Variants in RAX observed in about 807,000 individuals in gnomAD.
RAX encodes retina and anterior neural fold homeobox.
RAX carries 11 observed loss-of-function variants against 17.4 expected under a neutral mutation model. The observed-to-expected ratio is 0.63, with a 90% CI of 0.40 to 1.05. The LOEUF (loss-of-function observed/expected upper bound fraction) is 1.05, where lower values mean the gene tolerates loss of function less well. Ranked by LOEUF, RAX falls within the 50% of genes least tolerant of loss-of-function variation. RAX has a pLI of 0.00. For synonymous variants in RAX, 276 were observed against 254.7 expected, an observed-to-expected ratio of 1.08 and a Z score of -0.80; for missense variants, 527 against 501.1, an observed-to-expected ratio of 1.05 and a Z score of -0.49.
rs104894663 is a variant in RAX, at chr18:59,272,465, G to A, written c.439C>T (p.Gln147Ter). Residue 147 changes from glutamine to a stop codon, truncating the protein, a stop_gained, in exon 2 of 3, where the codon CAG becomes TAG. Transcript: ENST00000334889. LOFTEE classifies it high-confidence loss of function. ...AACGCGCGCTCCAGCTCATGCAGCT[G>A]GTACGTGGTGAAAGTCGTGCGGTTC... ...RRNRTTFTTY[Q>*]LHELERAFEK... The A allele has an allele frequency of 1.3e-5, 21 of 1,614,106 alleles. No individual in the cohort carries two copies. The highest frequency in any genetic ancestry group is 1.8e-5 in the Non-Finnish European group (21 of 1,180,052).
chr18:59,272,868 C>G (rs1194534877), intron 1 of RAX, 50 bp downstream of exon 1: 3 of 1,492,040 alleles, frequency 2.0e-6, no homozygotes, highest in South Asian at 2.7e-5. Flanking sequence ...TGGCCAACTC[C>G]TAAGCTCGGG....
chr18:59,270,922 G>A (rs1023066887), intron 2 of RAX, among the ~76,000 whole-genome samples: 1 of 152,168 alleles, frequency 6.6e-6, no homozygotes, highest in African/African-American at 2.4e-5. Context: ...TTCCCTGTCT[G>A]TCCCACTCAA....
intron 2 of RAX, among the ~76,000 whole-genome samples, chr18:59,271,305 A>G (rs1486862984): frequency 6.6e-6 from 1 of 152,160 alleles, no homozygotes; most frequent in Admixed American, 6.5e-5. Context: ...TCTTGTATTC[A>G]TTCCCTCTCC....
Position 59,272,757 on chromosome 18 carries a change from C to G in RAX, c.290-143G>C, listed in dbSNP as rs920276635. On this transcript the variant is annotated intron_variant, in intron 1 of 2. Coordinates refer to ENST00000334889, the MANE Select transcript of RAX (RefSeq NM_013435.3). The stretch of plus-strand genomic sequence containing the variant: ...TCCGTGGTGAGGGCGGCGATGGGTC[C>G]TAAGCTTTCTCTGAATGCAAATTGG... The G allele has an allele frequency of 2.2e-6, 3 of 1,371,740 alleles. No individual in the cohort carries two copies. In the African/African-American group the frequency reaches 4.4e-5, roughly 20 times the overall value. The allele number at this position is 1,371,740 out of a possible 1,614,324, so 85.0% of individuals were successfully genotyped here. A position where few individuals can be genotyped will look rare whatever the true frequency, so the allele number is the denominator to read the frequency against.
intron 2 of RAX, among the ~76,000 whole-genome samples, chr18:59,271,155 G>T (rs2070335092): frequency 1.3e-5 from 2 of 152,224 alleles, no homozygotes; most frequent in Non-Finnish European, 1.5e-5. Context: ...CTGTTCTCAA[G>T]AATCTCACAA....
intron 1 of RAX, 21 bp from the exon 2 acceptor site, chr18:59,272,635 A>T: frequency 6.2e-7 from 1 of 1,601,804 alleles, no homozygotes; most frequent in Non-Finnish European, 8.5e-7. Context: ...GAGGCCCGGG[A>T]GGGTCAGATG....
At position 59,272,550 on chromosome 18, in the gene RAX, C is replaced by T. The variant is rs759164101; in HGVS notation, c.354G>A (p.Gly118=). ...ACAGTTTCGCTTCGCCGGTGGCTGG[C>T]CCGACGGGCAGCCCTGGGCTCGGCC... ...EARPSPGLPV[G]PATGEAKLSE... The change falls in exon 2 of 3, where the codon GGG becomes GGA. Residue 118 remains glycine (G), a synonymous_variant. Transcript: ENST00000334889. 6.2e-7 allele frequency: 1 copy of T among 1,614,186 alleles called. No homozygotes were observed. Among genetic ancestry groups the T allele is most frequent in the East Asian group, 2.2e-5 (1 of 44,858 alleles).
At position 59,273,197 on chromosome 18, in the gene RAX, G is replaced by A; in HGVS notation, c.10C>T (p.Pro4Ser). 1 of 1,530,410 alleles carries A rather than the reference G, an allele frequency of 6.5e-7. No individual in the cohort carries two copies. Among genetic ancestry groups the A allele is most frequent in the East Asian group, 2.5e-5 (1 of 40,620 alleles). 94.8% of individuals were successfully genotyped at this position (1,530,410 alleles called of 1,614,324 possible). A position where few individuals can be genotyped will look rare whatever the true frequency, so the allele number is the denominator to read the frequency against. MHL[P>S]GCAPAMADGS... The stretch of plus-strand genomic sequence containing the variant: ...TCGGCCATGGCTGGCGCGCAGCCCG[G>A]CAGGTGCATGGGGAGCGCCGGGAGG... Residue 4 changes from proline to serine, a missense_variant, in exon 1 of 3, where the codon CCG becomes TCG. By Grantham distance (74) the Pro-to-Ser change is moderately conservative. Coordinates refer to ENST00000334889, the MANE Select transcript of RAX (RefSeq NM_013435.3).
intron 2 of RAX, 57 bp downstream of exon 2, chr18:59,272,304 C>A: frequency 1.2e-6 from 2 of 1,612,648 alleles, no homozygotes; most frequent in East Asian, 2.2e-5. Context: ...GAAGCATTGG[C>A]TGCAATTTGG....
rs1568097764 is a variant in RAX, at chr18:59,272,520, C to T, written c.384G>A (p.Glu128=). 6.2e-7 allele frequency: 1 copy of T among 1,614,256 alleles called. No individual in the cohort carries two copies. Among genetic ancestry groups the T allele is most frequent in the South Asian group, 1.1e-5 (1 of 91,092 alleles). Reference sequence around the variant, plus strand: ...GATGCTTTTTCTTGGGCTGTTCCTCCTCTGACAGTTTCGCTTCGCCGGTGG... The same window carrying T: ...GATGCTTTTTCTTGGGCTGTTCCTCTTCTGACAGTTTCGCTTCGCCGGTGG... The part of the protein sequence containing the change: ...GPATGEAKLS[E]EEQPKKKHRR... Residue 128 remains glutamate, a synonymous_variant, in exon 2 of 3, where the codon GAG becomes GAA. Transcript: ENST00000334889.
Position 59,269,171 on chromosome 18 carries a change from C to G in RAX, c.874G>C (p.Gly292Arg). The G allele has an allele frequency of 2.6e-6, 4 of 1,562,144 alleles. No individual in the cohort carries two copies. Among genetic ancestry groups the G allele is most frequent in the Non-Finnish European group, 2.6e-6 (3 of 1,152,478 alleles). The change falls in exon 3 of 3, where the codon GGC becomes CGC. Residue 292 changes from glycine to arginine, a missense_variant. By Grantham distance (125) the Gly-to-Arg change is moderately radical. Coordinates refer to ENST00000334889, the MANE Select transcript of RAX (RefSeq NM_013435.3). ...GGCGGCGGCGCGAGAGGTTGCAGGC[C>G]GGGGCCCAACGGCGGGGAGTTCAGG... is the stretch of plus-strand genomic sequence containing the variant. ...PFLNSPPLGP[G>R]LQPLAPPPPS... is the part of the protein sequence containing the mutation.
Position 59,268,875 on chromosome 18 carries a change from G to A in RAX, c.*129C>T, listed in dbSNP as rs952196315. 2 of 1,473,482 alleles carry A rather than the reference G, an allele frequency of 1.4e-6. No individual in the cohort carries two copies. Among genetic ancestry groups the A allele is most frequent in the African/African-American group, 1.4e-5 (1 of 72,396 alleles). 91.3% of individuals were successfully genotyped at this position (1,473,482 alleles called of 1,614,324 possible). On this transcript the variant is annotated 3_prime_UTR_variant, in exon 3 of 3. Transcript: ENST00000334889. The surrounding 1 kb of genome is among the most constrained non-coding windows in gnomAD (Gnocchi z 4.4). ...GAGCAGGCGCGTGGCCCTGAACTATGCTTGGCGGGTGGCTGCAGGCGACAG... is the reference window on the plus strand; with the variant it reads ...GAGCAGGCGCGTGGCCCTGAACTATACTTGGCGGGTGGCTGCAGGCGACAG...
intron 2 of RAX, 72 bp from the exon 3 acceptor site, chr18:59,269,573 T>C: frequency 6.5e-7 from 1 of 1,548,536 alleles, no homozygotes; most frequent in Non-Finnish European, 8.7e-7. Context: ...CTGAGCCGGT[T>C]CAGCTCGGCG....
rs780219769 is a variant in RAX, at chr18:59,272,928, G to T, written c.279C>A (p.Pro93=). ...GGGGTGCGCACTCACCTTCGTACTC[G>T]GGGGCGGGCGCCGGGGCTGGCGGCG... The part of the protein sequence containing the change: ...PSPPPAPAPA[P]EYEAPRPYCP... Residue 93 remains proline (P), a synonymous_variant, in exon 1 of 3, where the codon CCC becomes CCA. Transcript: ENST00000334889. The T allele has an allele frequency of 7.5e-6, 11 of 1,471,120 alleles. No individual in the cohort carries two copies. The East Asian group carries it at 2.0e-4, about 27-fold the overall frequency. The allele number at this position is 1,471,120 out of a possible 1,614,324, so 91.1% of individuals were successfully genotyped here.
At chr18:59,270,283 T>C (rs2070327105) in intron 2 of RAX, among the ~76,000 whole-genome samples, 2 of 152,252 alleles carry the variant, frequency 1.3e-5, no homozygotes, top group African/African-American at 4.8e-5. Context: ...TGCTGTTTGT[T>C]ATTACTTTCA....
chr18:59,267,849 G>C lies in RAX; in HGVS notation c.*1155C>G, dbSNP rs1444374425. On this transcript the variant is annotated 3_prime_UTR_variant, in exon 3 of 3. Coordinates refer to ENST00000334889, the MANE Select transcript of RAX (RefSeq NM_013435.3). ...CCAAAGAACTGCAGATACTGTCCAG[G>C]GCACGCCCGCAAGAACTAGCTCTCG... 2 of 152,300 alleles carry C rather than the reference G, an allele frequency of 1.3e-5. No homozygotes were observed. The highest frequency in any genetic ancestry group is 3.9e-4 in the East Asian group (2 of 5,178). 9.4% of individuals were successfully genotyped at this position (152,300 alleles called of 1,614,324 possible).
At chr18:59,272,852 C>A in intron 1 of RAX, 66 bp downstream of exon 1, 1 of 1,486,980 alleles carries the variant, frequency 6.7e-7, no homozygotes, top group South Asian at 1.4e-5. Flanking sequence ...AAGGGGCGCT[C>A]TCGTCTGGCC....
chr18:59,271,382 C>A (rs968852972), intron 2 of RAX, among the ~76,000 whole-genome samples: 1 of 152,226 alleles, frequency 6.6e-6, no homozygotes, highest in Admixed American at 6.5e-5. Flanking sequence ...TGCAGCTTTA[C>A]TGCCCCAAAT....
At chr18:59,272,254 G>A (rs1371439872) in intron 2 of RAX, 107 bp downstream of exon 2, 2 of 1,482,814 alleles carry the variant, frequency 1.3e-6, no homozygotes, top group African/African-American at 1.4e-5. Flanking sequence ...CCAAGTCGAG[G>A]AAGGACAGTA....
Sources: gnomAD v4.1 joint callset for allele counts (sites outside exome capture counted in the v4.1 genomes callset) on GRCh38, gnomAD v4.1.1 for gene constraint, Gnocchi (gnomAD v3.1) non-coding constraint, MANE v1.5 for transcripts, NCBI Gene and HGNC (gene_info 2026-07-23, HGNC 2026-07-21) for gene names.